OGFRL1: variants seen among roughly 807,000 people sequenced by gnomAD.
OGFRL1 encodes opioid growth factor receptor like 1.
A neutral mutation model predicts 32.4 loss-of-function variants in OGFRL1; 26 were observed. The observed-to-expected ratio is 0.80, with a 90% CI of 0.59 to 1.11. The LOEUF is 1.11. Among genes scored for constraint, OGFRL1 ranks in the 50% most tolerant of loss-of-function variants. The probability of loss-of-function intolerance (pLI) is 0.00; values close to 1 mark genes in which losing one functional copy is unlikely to be tolerated. For missense variants in OGFRL1, 521 were observed against 546.4 expected, an observed-to-expected ratio of 0.95 and a Z score of 0.46; for synonymous variants, 211 against 201.2, an observed-to-expected ratio of 1.05 and a Z score of -0.41.
At chr6:71,290,997 A>G (rs1437059240) in intron 1 of OGFRL1, among the ~76,000 whole-genome samples, 1 of 152,190 alleles carries the variant, frequency 6.6e-6, no homozygotes, top group Non-Finnish European at 1.5e-5. Context: ...TCTGAGATCA[A>G]TGGTATTTAA....
rs1262784235 is a variant in OGFRL1 at position 71,308,256 on chromosome 6, G to C, written c.*6207G>C. ...AGTGAAGTAACTTCCACACTGTCAAGAGTTGACAGCATATTAATTGTGTGG... is the reference window on the plus strand; with the variant it reads ...AGTGAAGTAACTTCCACACTGTCAACAGTTGACAGCATATTAATTGTGTGG... On this transcript the variant is annotated 3_prime_UTR_variant, in exon 7 of 7. Transcript: ENST00000370435. The C allele has an allele frequency of 6.6e-6, 1 of 152,220 alleles. No homozygotes were observed. The highest frequency in any genetic ancestry group is 1.5e-5 in the Non-Finnish European group (1 of 68,048). The allele number at this position is 152,220 out of a possible 1,614,324, so 9.4% of individuals were successfully genotyped here. A position where few individuals can be genotyped will look rare whatever the true frequency, so the allele number is the denominator to read the frequency against.
In OGFRL1 at chr6:71,302,024, G is replaced by A; in HGVS notation, c.1331G>A (p.Cys444Tyr). ...QDNENPGNTN[C>Y]HDVVLVQ ...AATGAAAATCCTGGAAATACAAATT[G>A]CCATGATGTTGTACTAGTACAGTGA... The change falls in exon 7 of 7, where the codon TGC becomes TAC. Residue 444 changes from cysteine (C) to tyrosine (Y), a missense_variant. By Grantham distance (194) the Cys-to-Tyr change is radical. Coordinates refer to ENST00000370435, the MANE Select transcript of OGFRL1 (RefSeq NM_024576.5). 6.3e-7 allele frequency: 1 copy of A among 1,586,030 alleles called. No homozygotes were observed. Among genetic ancestry groups the A allele is most frequent in the Admixed American group, 1.8e-5 (1 of 55,496 alleles).
rs747304575 is a variant in OGFRL1 at position 71,301,827 on chromosome 6, C to A, written c.1134C>A (p.Asp378Glu). 7 of 1,612,850 alleles carry A rather than the reference C, an allele frequency of 4.3e-6. No homozygotes were observed. Among genetic ancestry groups the A allele is most frequent in the Non-Finnish European group, 2.5e-6 (3 of 1,179,738 alleles). ...VAPKEPVEET[D>E]RPSPEPSNEA... ...CAAAAGAGCCTGTGGAAGAGACAGA[C>A]AGGCCCAGCCCAGAGCCCAGCAATG... Residue 378 changes from aspartate (D) to glutamate (E), a missense_variant, in exon 7 of 7, where the codon GAC (aspartate) becomes GAA (glutamate). By Grantham distance (45) the Asp-to-Glu change is conservative (BLOSUM62 2). Transcript: ENST00000370435.
chr6:71,295,317 A>T (rs1359531381), intron 3 of OGFRL1: 1 of 152,212 alleles, frequency 6.6e-6, no homozygotes, highest in Non-Finnish European at 1.5e-5. Context: ...AAACCTTCCG[A>T]GAGTGGGCCT....
intron 6 of OGFRL1, among the ~76,000 whole-genome samples, chr6:71,298,830 A>G (rs368842892): frequency 7.9e-5 from 12 of 152,276 alleles, no homozygotes; most frequent in African/African-American, 2.9e-4. Context: ...TTCTTCTTCA[A>G]TTGGGTCCTT....
At chr6:71,296,022 C>T (rs1205586881) in intron 3 of OGFRL1, among the ~76,000 whole-genome samples, 2 of 152,096 alleles carry the variant, frequency 1.3e-5, no homozygotes, top group Non-Finnish European at 2.9e-5. Context: ...TAGCTATATT[C>T]CAATAAAACT....
At chr6:71,296,847 G>A (rs745645376) in intron 6 of OGFRL1, 30 bp downstream of exon 6, 1 of 1,593,326 alleles carries the variant, frequency 6.3e-7, no homozygotes. Flanking sequence ...TAAATCAGGG[G>A]CCAGCACAGT....
rs373960221 is a variant in OGFRL1, at chr6:71,301,942, A to G, written c.1249A>G (p.Lys417Glu). 2.3e-5 allele frequency: 37 copies of G among 1,613,650 alleles called. No homozygotes were observed. The highest frequency in any genetic ancestry group is 1.6e-4 in the Middle Eastern group (1 of 6,078). The stretch of plus-strand genomic sequence containing the variant: ...GAAAACAGTTACTACTCCCACAGAA[A>G]AAAAGGAGAGTGTATCTCCTGAGAA... ...PEKTVTTPTE[K>E]KESVSPENNE... The change falls in exon 7 of 7, where the codon AAA (lysine) becomes GAA (glutamate). Residue 417 changes from lysine to glutamate, a missense_variant. Transcript: ENST00000370435.
intron 1 of OGFRL1, among the ~76,000 whole-genome samples, chr6:71,292,386 T>G (rs1226171308): frequency 6.6e-6 from 1 of 152,226 alleles, no homozygotes; most frequent in Non-Finnish European, 1.5e-5. Context: ...TCAACACAGA[T>G]GGAGGACAGG....
At chr6:71,298,467 T>G in intron 6 of OGFRL1, among the ~76,000 whole-genome samples, 1 of 152,226 alleles carries the variant, frequency 6.6e-6, no homozygotes, top group East Asian at 1.9e-4. Context: ...AAATTTTTAT[T>G]GAATGAATAA....
At chr6:71,292,066 C>G (rs894051686) in intron 1 of OGFRL1, 1 of 152,090 alleles carries the variant, frequency 6.6e-6, no homozygotes, top group Non-Finnish European at 1.5e-5. Flanking sequence ...GACTGTCAAC[C>G]CTGTTTGTTG....
At chr6:71,292,048 T>C (rs1291880914) in intron 1 of OGFRL1, 1 of 152,220 alleles carries the variant, frequency 6.6e-6, no homozygotes, top group African/African-American at 2.4e-5. Flanking sequence ...AATGAAATAA[T>C]GCCTTTTGAC....
At chr6:71,300,565 G>GT (rs1476383257) in intron 6 of OGFRL1, among the ~76,000 whole-genome samples, 1 of 152,062 alleles carries the variant, frequency 6.6e-6, no homozygotes, top group African/African-American at 2.4e-5. Flanking sequence ...AAATATGGTG[G>GT]TCCCTAATCT....
rs1282553583 is a variant in OGFRL1, at chr6:71,303,361, G to T, written c.*1312G>T. On this transcript the variant is annotated 3_prime_UTR_variant, in exon 7 of 7. Coordinates refer to ENST00000370435, the MANE Select transcript of OGFRL1 (RefSeq NM_024576.5). Reference sequence around the variant, plus strand: ...TCTATATTGAAATCTACATGGAACAGAGTGGGACTTCTAATTGTATGACTT... The same window carrying T: ...TCTATATTGAAATCTACATGGAACATAGTGGGACTTCTAATTGTATGACTT... 6.6e-6 allele frequency: 1 copy of T among 152,196 alleles called. No individual in the cohort carries two copies. The highest frequency in any genetic ancestry group is 1.5e-5 in the Non-Finnish European group (1 of 68,040). 9.4% of individuals were successfully genotyped at this position (152,196 alleles called of 1,614,324 possible).
Position 71,306,376 on chromosome 6 carries a change from C to T in OGFRL1, c.*4327C>T, listed in dbSNP as rs1453166821. The T allele has an allele frequency of 6.6e-6, 1 of 152,152 alleles. No individual in the cohort carries two copies. The highest frequency in any genetic ancestry group is 2.4e-5 in the African/African-American group (1 of 41,428). 9.4% of individuals were successfully genotyped at this position (152,152 alleles called of 1,614,324 possible). A position where few individuals can be genotyped will look rare whatever the true frequency, so the allele number is the denominator to read the frequency against. On this transcript the variant is annotated 3_prime_UTR_variant, in exon 7 of 7. Transcript: ENST00000370435. The stretch of plus-strand genomic sequence containing the variant: ...CCTTCTGCATTCTAGTTATCCAACA[C>T]ACCCAGCAGATTGTGTTCAGGGACA...
At chr6:71,292,745 C>T (rs1766087766) in intron 1 of OGFRL1, among the ~76,000 whole-genome samples, 1 of 152,086 alleles carries the variant, frequency 6.6e-6, no homozygotes. Flanking sequence ...CCTTTGTGTA[C>T]TTGTCATGGT....
rs1474782954 is a variant in OGFRL1 at position 71,304,743 on chromosome 6, T to C, written c.*2694T>C. ...ATTTAGTCTCAAGAGAAACACTTCC[T>C]GGCATCCATCTTAAATAGTGGCCTT... On this transcript the variant is annotated 3_prime_UTR_variant, in exon 7 of 7. Transcript: ENST00000370435. 4 of 152,098 alleles carry C rather than the reference T, an allele frequency of 2.6e-5. No individual in the cohort carries two copies. Among genetic ancestry groups the C allele is most frequent in the Non-Finnish European group, 5.9e-5 (4 of 67,928 alleles). The allele number at this position is 152,098 out of a possible 1,614,324, so 9.4% of individuals were successfully genotyped here.
chr6:71,293,191 T>G, intron 1 of OGFRL1, 102 bp from the exon 2 acceptor site: 1 of 881,008 alleles, frequency 1.1e-6, no homozygotes. Context: ...GATTGACAAT[T>G]TTCAGGCTTT....
intron 1 of OGFRL1, among the ~76,000 whole-genome samples, chr6:71,292,610 A>G (rs1381860424): frequency 6.6e-6 from 1 of 152,238 alleles, no homozygotes; most frequent in Non-Finnish European, 1.5e-5. Flanking sequence ...TGAGTAAACT[A>G]CCATGTATAA....
Sources: gnomAD v4.1 joint callset for allele counts (sites outside exome capture counted in the v4.1 genomes callset) on GRCh38, gnomAD v4.1.1 for gene constraint, MANE v1.5 for transcripts, NCBI Gene and HGNC (gene_info 2026-07-23, HGNC 2026-07-21) for gene names.